The following DNAAF11 variants were observed in gnomAD, a reference collection of about 807,000 sequenced individuals.
The protein encoded by DNAAF11 is dynein axonemal assembly factor 11, also known as leucine rich repeat containing 6.
In DNAAF11, 45 loss-of-function variants were observed where a neutral mutation model predicts 60.8. The ratio of observed to expected loss-of-function variants is 0.74; its 90% confidence interval spans 0.58 to 0.95. DNAAF11 has a LOEUF of 0.95. Ranked by LOEUF, DNAAF11 falls within the 40% of genes least tolerant of loss-of-function variation. The pLI is 0.00. For missense variants in DNAAF11, 546 were observed against 546.2 expected (o/e 1.00, Z 0.00); for synonymous variants, 191 against 183.5 (o/e 1.04, Z -0.33).
At chr8:132,625,829 T>C (rs538670015) in intron 5 of DNAAF11, among the ~76,000 whole-genome samples, 1 of 152,298 alleles carries the variant, frequency 6.6e-6, no homozygotes, top group Non-Finnish European at 1.5e-5. Flanking sequence ...TCTGAAGTAG[T>C]AGATCTGAAG....
chr8:132,634,765 T>G (rs1298352031), intron 4 of DNAAF11, among the ~76,000 whole-genome samples: 3 of 148,548 alleles, frequency 2.0e-5, no homozygotes, highest in Non-Finnish European at 4.5e-5. Context: ...TTTGTTATAT[T>G]AATTTATATA....
chr8:132,682,288 C>T, the DNAAF11 span, among the ~76,000 whole-genome samples: 14 of 152,150 alleles, frequency 9.2e-5, no homozygotes, highest in Admixed American at 4.6e-4. Flanking sequence ...ACCCTGAGGC[C>T]GCCGTGCTGG....
chr8:132,644,940 T>A (rs1822225361), intron 3 of DNAAF11, among the ~76,000 whole-genome samples: 1 of 152,170 alleles, frequency 6.6e-6, no homozygotes, highest in African/African-American at 2.4e-5. Flanking sequence ...AGGAGAAACT[T>A]CTGCGGACTT....
intron 8 of DNAAF11, among the ~76,000 whole-genome samples, chr8:132,613,470 C>A (rs1288404538): frequency 6.6e-6 from 1 of 152,044 alleles, no homozygotes; most frequent in Non-Finnish European, 1.5e-5. Context: ...ATGAAATATC[C>A]CAAATAGGCA....
In DNAAF11 at chr8:132,661,771, A is replaced by G. The variant is rs1418136259; in HGVS notation, c.11-144T>C. On this transcript the variant is annotated intron_variant, in intron 1 of 11. Coordinates refer to ENST00000620350, the MANE Select transcript of DNAAF11 (RefSeq NM_012472.6). ...AGGCCCAAGCGATTTTCAAAGTGAG[A>G]GAGAAAATGGTACCTCCTCCTGGAG... 5.1e-6 allele frequency: 4 copies of G among 776,808 alleles called. No individual in the cohort carries two copies. In the East Asian group the frequency reaches 1.1e-4, roughly 21 times the overall value. 48.1% of individuals were successfully genotyped at this position (776,808 alleles called of 1,614,324 possible). A position where few individuals can be genotyped will look rare whatever the true frequency, so the allele number is the denominator to read the frequency against.
At chr8:132,603,291 T>A (rs1293284001) in intron 10 of DNAAF11, among the ~76,000 whole-genome samples, 1 of 151,832 alleles carries the variant, frequency 6.6e-6, no homozygotes, top group African/African-American at 2.4e-5. Context: ...TAGGAAGGAG[T>A]ACAAATAGAG....
chr8:132,582,912 GAGA>G (rs1400676587), intron 11 of DNAAF11, among the ~76,000 whole-genome samples: 3 of 152,180 alleles, frequency 2.0e-5, no homozygotes, highest in Non-Finnish European at 4.4e-5. Context: ...TCTCATTCTA[GAGA>G]AGAACTGAGA....
intron 1 of DNAAF11, among the ~76,000 whole-genome samples, chr8:132,672,128 ACT>A (rs1454061278): frequency 1.3e-5 from 2 of 152,188 alleles, no homozygotes; most frequent in Non-Finnish European, 2.9e-5. Context: ...TATATAGAAG[ACT>A]CTTAAAACTC....
At chr8:132,649,803 C>T (rs1242198257) in intron 3 of DNAAF11, among the ~76,000 whole-genome samples, 1 of 152,166 alleles carries the variant, frequency 6.6e-6, no homozygotes, top group East Asian at 1.9e-4. Flanking sequence ...AAATGCAAAT[C>T]AAAACCACAA....
chr8:132,690,957 G>GT, the DNAAF11 span, among the ~76,000 whole-genome samples: 1 of 152,138 alleles, frequency 6.6e-6, no homozygotes, highest in Admixed American at 6.5e-5. Flanking sequence ...GGCTAAAGTA[G>GT]TATTTGTCAG....
chr8:132,583,277 T>C (rs1815522317), intron 11 of DNAAF11, among the ~76,000 whole-genome samples: 1 of 152,182 alleles, frequency 6.6e-6, no homozygotes, highest in African/African-American at 2.4e-5. Context: ...TGTCCCAGCA[T>C]GTCATAGCTA....
intron 3 of DNAAF11, among the ~76,000 whole-genome samples, chr8:132,641,970 C>T (rs1821900321): frequency 6.6e-6 from 1 of 151,910 alleles, no homozygotes; most frequent in African/African-American, 2.4e-5. Flanking sequence ...GCTAAAATTA[C>T]AACAATGTAA....
chr8:132,681,003 CTTTT>C, the DNAAF11 span, among the ~76,000 whole-genome samples: 12 of 52,336 alleles, frequency 2.3e-4, no homozygotes, highest in South Asian at 9.4e-4. Context: ...ATAACTATTC[CTTTT>C]TTTTTTTTTT....
intron 10 of DNAAF11, among the ~76,000 whole-genome samples, chr8:132,607,174 G>A (rs117112462): frequency 1.3e-4 from 20 of 152,178 alleles, no homozygotes; most frequent in South Asian, 6.2e-4. Context: ...TGATTCCCCC[G>A]TTGCTGGATG....
chr8:132,613,655 G>T (rs1818874102), intron 8 of DNAAF11, among the ~76,000 whole-genome samples: 1 of 152,138 alleles, frequency 6.6e-6, no homozygotes, highest in Non-Finnish European at 1.5e-5. Flanking sequence ...TGTCCATTTT[G>T]AAATGGTTGA....
At chr8:132,699,718 T>A in the DNAAF11 span, among the ~76,000 whole-genome samples, 54 of 152,134 alleles carry the variant, frequency 3.5e-4, no homozygotes, top group African/African-American at 1.3e-3. Context: ...GATGAATGAA[T>A]AAACAAAATG....
At chr8:132,659,894 T>C (rs1468846167) in intron 2 of DNAAF11, among the ~76,000 whole-genome samples, 1 of 152,130 alleles carries the variant, frequency 6.6e-6, no homozygotes. Flanking sequence ...ATACACTAGA[T>C]GCCAATAGCA....
chr8:132,583,795 AAC>A lies in DNAAF11; in HGVS notation c.1141-18_1141-17del. Reference sequence around the variant, plus strand: ...CTTCTCCTACCTAAAATAAAAATGAAACACACACCAAGTGGTGCATTACTCCT... The same window carrying A: ...CTTCTCCTACCTAAAATAAAAATGAAACACACCAAGTGGTGCATTACTCCT... On this transcript the variant is annotated splice_polypyrimidine_tract_variant and intron_variant, in intron 10 of 11. Coordinates refer to ENST00000620350, the MANE Select transcript of DNAAF11 (RefSeq NM_012472.6). The A allele has an allele frequency of 6.4e-7, 1 of 1,563,244 alleles. No individual in the cohort carries two copies. The highest frequency in any genetic ancestry group is 8.8e-7 in the Non-Finnish European group (1 of 1,133,838).
the DNAAF11 span, among the ~76,000 whole-genome samples, chr8:132,692,699 A>C: frequency 2.6e-3 from 396 of 152,306 alleles, no homozygotes; most frequent in African/African-American, 9.2e-3. Flanking sequence ...CAGGTCTTCT[A>C]TCTCCAACCT....
Sources: allele counts gnomAD v4.1 joint callset (sites outside exome capture counted in the v4.1 genomes callset), GRCh38; gene constraint gnomAD v4.1.1; transcripts MANE v1.5; gene names NCBI Gene and HGNC (gene_info 2026-07-23, HGNC 2026-07-21).